The following TACC2 variants were observed in gnomAD, a reference collection of about 807,000 sequenced individuals.
The protein encoded by TACC2 is transforming acidic coiled-coil-containing protein 2.
TACC2 carries 137 observed loss-of-function variants against 227.3 expected under a neutral mutation model. The ratio of observed to expected loss-of-function variants is 0.60; its 90% CI spans 0.52 to 0.69. TACC2 has a LOEUF of 0.69. Among genes scored for constraint, TACC2 ranks in the 30% least tolerant of loss-of-function variants. The pLI is 0.00. For missense variants in TACC2, 3,470 were observed against 3,694.4 expected (o/e 0.94, Z 1.57); for synonymous variants, 1,523 against 1,487.5 (o/e 1.02, Z -0.55).
chr10:122,132,770 C>T (rs1592396991), intron 6 of TACC2, 36 bp downstream of exon 6: 1 of 1,611,534 alleles, frequency 6.2e-7, no homozygotes, highest in Non-Finnish European at 8.5e-7. Flanking sequence ...GATGAGACCT[C>T]AGGGCCCAAT....
chr10:122,052,969 T>A (rs1286439232), intron 3 of TACC2, among the ~76,000 whole-genome samples: 2 of 152,200 alleles, frequency 1.3e-5, no homozygotes, highest in Non-Finnish European at 2.9e-5. Context: ...TATCATTCAT[T>A]TTGCATATGG....
intron 5 of TACC2, among the ~76,000 whole-genome samples, chr10:122,123,360 A>G (rs1225912246): frequency 6.6e-6 from 1 of 152,150 alleles, no homozygotes; most frequent in Non-Finnish European, 1.5e-5. Context: ...GCCTGCAGGG[A>G]TGCCACAGGC....
intron 1 of TACC2, among the ~76,000 whole-genome samples, chr10:122,018,551 TC>T (rs1462375288): frequency 6.6e-6 from 1 of 152,144 alleles, no homozygotes; most frequent in Non-Finnish European, 1.5e-5. Flanking sequence ...TATTTCCCCT[TC>T]CCCCAGCCCC....
chr10:122,045,181 T>C (rs1202466599), intron 2 of TACC2, among the ~76,000 whole-genome samples: 5 of 152,320 alleles, frequency 3.3e-5, no homozygotes, highest in Admixed American at 6.5e-5. Context: ...TCAACAAATA[T>C]TTATGGACTG....
intron 5 of TACC2, among the ~76,000 whole-genome samples, chr10:122,093,864 C>A (rs751571947): frequency 6.6e-6 from 1 of 152,186 alleles, no homozygotes; most frequent in Non-Finnish European, 1.5e-5. Context: ...TCGAAACCAT[C>A]CTGGAAATTA....
chr10:122,237,816 G>A (rs2095888879), intron 17 of TACC2, 145 bp from the exon 18 acceptor site: 2 of 715,722 alleles, frequency 2.8e-6, no homozygotes, highest in African/African-American at 1.8e-5. Context: ...TATGCTCGGG[G>A]AAGTTCTCTG....
Position 122,085,983 on chromosome 10 carries a change from G to T in TACC2, c.3483G>T (p.Gln1161His). Reference protein sequence around the residue: ...GEATLSCGLLQTEHCLTSGEE... With the variant: ...GEATLSCGLLHTEHCLTSGEE... ...CTACTTTGAGTTGTGGCCTCCTTCA[G>T]ACTGAGCACTGCCTTACCTCCGGGG... The change falls in exon 4 of 23, where the codon CAG becomes CAT. Residue 1161 changes from glutamine (Q) to histidine (H), a missense_variant. Physicochemically the swap from Gln to His is conservative, Grantham distance 24. Around this residue, in one of 10 missense-constraint regions of TACC2, gnomAD observed 1,924 missense variants for 1,978.3 expected, o/e 0.97. Coordinates refer to ENST00000369005, the MANE Select transcript of TACC2 (RefSeq NM_206862.4). 8 of 1,614,014 alleles carry T rather than the reference G, an allele frequency of 5.0e-6. No homozygotes were observed. Among genetic ancestry groups the T allele is most frequent in the Non-Finnish European group, 6.8e-6 (8 of 1,180,020 alleles).
At chr10:122,063,114 C>A (rs11200373) in intron 3 of TACC2, among the ~76,000 whole-genome samples, 3,298 of 152,286 alleles carry the variant, frequency 0.022, 54 homozygotes, top group Middle Eastern at 0.058. Flanking sequence ...AGAAAGTGAA[C>A]CTTGGTCAAT....
At chr10:122,143,791 C>T (rs1040366572) in intron 7 of TACC2, 85 bp downstream of exon 7, 28 of 1,454,042 alleles carry the variant, frequency 1.9e-5, no homozygotes, top group East Asian at 1.2e-4. Context: ...TGGGGTGAGC[C>T]GCATTTAGGA....
Position 122,084,276 on chromosome 10 carries a change from G to T in TACC2, c.1776G>T (p.Gly592=). 1 of 1,614,044 alleles carries T rather than the reference G, an allele frequency of 6.2e-7. No individual in the cohort carries two copies. The highest frequency in any genetic ancestry group is 8.5e-7 in the Non-Finnish European group (1 of 1,180,042). ...APEPPDGGDP[G]NLQGEDSQAF... ...AGCCACCTGATGGTGGAGACCCAGG[G>T]AACCTGCAAGGAGAGGACTCTCAGG... is the stretch of plus-strand genomic sequence containing the variant. Residue 592 remains glycine, a synonymous_variant, in exon 4 of 23, where the codon GGG becomes GGT. Coordinates refer to ENST00000369005, the MANE Select transcript of TACC2 (RefSeq NM_206862.4).
intron 5 of TACC2, among the ~76,000 whole-genome samples, chr10:122,123,096 A>G (rs2086159011): frequency 6.6e-6 from 1 of 152,116 alleles, no homozygotes; most frequent in South Asian, 2.1e-4. Flanking sequence ...CCTACTTCCC[A>G]GGTTCAAGTG....
intron 5 of TACC2, among the ~76,000 whole-genome samples, chr10:122,115,299 T>A (rs1263447661): frequency 7.3e-5 from 11 of 151,420 alleles, no homozygotes; most frequent in East Asian, 3.9e-4. Context: ...TGTGTGTGTG[T>A]GTGTGTGTGT....
intron 7 of TACC2, among the ~76,000 whole-genome samples, chr10:122,158,813 G>A (rs928047784): frequency 1.3e-5 from 2 of 152,206 alleles, no homozygotes; most frequent in African/African-American, 4.8e-5. Flanking sequence ...TATCTGTACC[G>A]CTGCAAATAA....
intron 5 of TACC2, among the ~76,000 whole-genome samples, chr10:122,102,311 C>T (rs924861135): frequency 1.3e-5 from 2 of 152,150 alleles, no homozygotes; most frequent in Admixed American, 1.3e-4. Flanking sequence ...CTACACAACA[C>T]GGAACAGCTG....
chr10:122,127,527 C>T (rs2087118066), intron 5 of TACC2, among the ~76,000 whole-genome samples: 1 of 152,232 alleles, frequency 6.6e-6, no homozygotes, highest in African/African-American at 2.4e-5. Flanking sequence ...CAACCCTTTG[C>T]TGGCCTGACT....
intron 13 of TACC2, among the ~76,000 whole-genome samples, chr10:122,227,172 C>G (rs1368461868): frequency 6.6e-6 from 1 of 152,180 alleles, no homozygotes; most frequent in Admixed American, 6.5e-5. Context: ...AAGTACCTGG[C>G]ACACCTCAAG....
In TACC2 at chr10:122,084,294, C is replaced by T. The variant is rs182927465; in HGVS notation, c.1794C>T (p.Asp598=). The T allele has an allele frequency of 5.9e-5, 95 of 1,614,004 alleles. 1 individual carries two copies. In the Admixed American group the frequency reaches 1.2e-3, roughly 20 times the overall value. Residue 598 remains aspartate (D), a synonymous_variant, in exon 4 of 23, where the codon GAC becomes GAT. Coordinates refer to ENST00000369005, the MANE Select transcript of TACC2 (RefSeq NM_206862.4). The stretch of plus-strand genomic sequence containing the variant: ...ACCCAGGGAACCTGCAAGGAGAGGA[C>T]TCTCAGGCTTTCAGCAGCAAGCGTG... ...GGDPGNLQGE[D]SQAFSSKRDP...
rs116791169 is a variant in TACC2 at position 122,248,575 on chromosome 10, G to A, written c.8393-68G>A. On this transcript the variant is annotated intron_variant, in intron 19 of 22. Coordinates refer to ENST00000369005, the MANE Select transcript of TACC2 (RefSeq NM_206862.4). ...GAGGCTGAGTTGCATCTGAGGCCTC[G>A]GCTGGCCCCAGAGACCCAGTTTGGA... 6.6e-4 allele frequency: 1,054 copies of A among 1,591,278 alleles called. 7 individuals are homozygous for A. In the African/African-American group the frequency reaches 0.012, roughly 18 times the overall value.
At position 122,205,641 on chromosome 10, in the gene TACC2, C is replaced by T. The variant is rs2095077396; in HGVS notation, c.5972-4756C>T. On this transcript the variant is annotated intron_variant, in intron 8 of 22. Coordinates refer to ENST00000369005, the MANE Select transcript of TACC2 (RefSeq NM_206862.4). The surrounding 1 kb of genome is among the most constrained non-coding windows in gnomAD (Gnocchi z 4.5). ...CAGACTTCCCGATGAGGAGGCGCAC[C>T]TGTGGCACCTGTTACGATGGGGGCC... 6.6e-6 allele frequency among the ~76,000 whole-genome samples: 1 copy of T among 152,234 alleles called. No individual in the cohort carries two copies.
Sources: gnomAD v4.1 joint callset for allele counts (sites outside exome capture counted in the v4.1 genomes callset) on GRCh38, gnomAD v4.1.1 for gene constraint, gnomAD v4.1.1 regional missense constraint, Gnocchi (gnomAD v3.1) non-coding constraint, MANE v1.5 for transcripts, NCBI Gene and HGNC (gene_info 2026-07-23, HGNC 2026-07-21) for gene names.